GALNTL6: variants seen among roughly 807,000 people sequenced by gnomAD.
GALNTL6 encodes polypeptide N-acetylgalactosaminyltransferase like 6.
GALNTL6 carries 46 observed loss-of-function variants against 73.7 expected under a neutral mutation model. The ratio of observed to expected loss-of-function variants is 0.62; its 90% CI spans 0.49 to 0.80. The LOEUF is 0.80. Ranked by LOEUF, GALNTL6 falls within the 30% of genes least tolerant of loss-of-function variation. The probability of loss-of-function intolerance (pLI) is 0.00; values close to 1 mark genes in which losing one functional copy is unlikely to be tolerated. For synonymous variants in GALNTL6, 259 were observed against 263.7 expected (o/e 0.98, Z 0.17); for missense variants, 604 against 755.0 (o/e 0.80, Z 2.34).
At position 172,607,219 on chromosome 4, in the gene GALNTL6, G is replaced by T. The variant is rs763253756; in HGVS notation, c.554-202142G>T. On this transcript the variant is annotated intron_variant, in intron 5 of 12. Transcript: ENST00000506823. ...ATCCCTCTACTCTCATGAGGGTTTG[G>T]TGTACAGATTATTTTATCACCCAGG... 2.6e-5 allele frequency among the ~76,000 whole-genome samples: 4 copies of T among 152,206 alleles called. No individual in the cohort carries two copies. In the East Asian group the frequency reaches 7.7e-4, roughly 29 times the overall value.
intron 2 of GALNTL6, among the ~76,000 whole-genome samples, chr4:172,107,553 A>G (rs1183792383): frequency 1.3e-5 from 2 of 151,620 alleles, no homozygotes; most frequent in East Asian, 3.9e-4. Flanking sequence ...GGAAGCCATC[A>G]TTCTCAGCAA....
At chr4:171,994,504 T>C (rs1042745677) in intron 2 of GALNTL6, among the ~76,000 whole-genome samples, 2 of 151,982 alleles carry the variant, frequency 1.3e-5, no homozygotes, top group African/African-American at 2.4e-5. Context: ...ATGATGGACT[T>C]GGGGACTTAG....
At chr4:172,282,740 T>G (rs1448005486) in intron 3 of GALNTL6, among the ~76,000 whole-genome samples, 1 of 151,236 alleles carries the variant, frequency 6.6e-6, no homozygotes, top group Non-Finnish European at 1.5e-5. Context: ...ATTAGGGTGA[T>G]GGCGATGGAA....
intron 5 of GALNTL6, among the ~76,000 whole-genome samples, chr4:172,747,614 GA>G (rs372743596): frequency 2.0e-5 from 3 of 151,206 alleles, no homozygotes; most frequent in Non-Finnish European, 3.0e-5. Flanking sequence ...GGAAGTTCCT[GA>G]AAAAAAACTA....
chr4:172,610,362 T>G (rs149786500), intron 5 of GALNTL6, among the ~76,000 whole-genome samples: 1,751 of 152,250 alleles, frequency 0.012, 16 homozygotes, highest in South Asian at 0.021. Flanking sequence ...CTCTTAACAC[T>G]GCTTACCTGT....
chr4:171,864,471 A>G (rs549467392), intron 2 of GALNTL6, among the ~76,000 whole-genome samples: 131 of 152,344 alleles, frequency 8.6e-4, no homozygotes, highest in African/African-American at 3.0e-3. Context: ...GTACATACAG[A>G]TTAAACAAGA....
chr4:172,055,793 A>G (rs1731004334), intron 2 of GALNTL6, among the ~76,000 whole-genome samples: 1 of 152,204 alleles, frequency 6.6e-6, no homozygotes, highest in Non-Finnish European at 1.5e-5. Context: ...GCCAGTTATC[A>G]GGGTACTTCT....
chr4:172,232,145 A>G (rs1737093421), intron 3 of GALNTL6, among the ~76,000 whole-genome samples: 1 of 152,138 alleles, frequency 6.6e-6, no homozygotes, highest in Admixed American at 6.5e-5. Context: ...GTCAAAATCA[A>G]ATAAACATCT....
intron 5 of GALNTL6, among the ~76,000 whole-genome samples, chr4:172,760,127 C>T (rs1056152777): frequency 2.0e-5 from 3 of 151,784 alleles, no homozygotes; most frequent in Non-Finnish European, 4.4e-5. Context: ...TGAGCCACCG[C>T]GCCCGGCCAC....
chr4:172,549,260 C>T (rs900274373), intron 5 of GALNTL6, among the ~76,000 whole-genome samples: 3 of 152,112 alleles, frequency 2.0e-5, no homozygotes, highest in African/African-American at 4.8e-5. Context: ...CAGTAGATTG[C>T]AGGCCTGGAA....
chr4:172,561,739 C>T (rs1395785092), intron 5 of GALNTL6, among the ~76,000 whole-genome samples: 2 of 152,138 alleles, frequency 1.3e-5, no homozygotes, highest in East Asian at 3.9e-4. Flanking sequence ...TCTCAATGTC[C>T]AGGCTTCACA....
chr4:171,938,928 T>C (rs149248100), intron 2 of GALNTL6, among the ~76,000 whole-genome samples: 2,151 of 152,160 alleles, frequency 0.014, 17 homozygotes, highest in Non-Finnish European at 0.022. Context: ...CACATCTTGG[T>C]TTTCATAAGG....
At chr4:172,239,665 AG>A (rs1234597806) in intron 3 of GALNTL6, among the ~76,000 whole-genome samples, 6 of 151,790 alleles carry the variant, frequency 4.0e-5, no homozygotes, top group Non-Finnish European at 2.9e-5. Flanking sequence ...TATTTCCTCA[AG>A]GTGTGATGTT....
intron 10 of GALNTL6, among the ~76,000 whole-genome samples, chr4:172,966,551 C>T (rs890569922): frequency 6.6e-6 from 1 of 152,190 alleles, no homozygotes. Context: ...TGCGCCACCA[C>T]GCCCAGCTAA....
intron 7 of GALNTL6, among the ~76,000 whole-genome samples, chr4:172,826,504 CG>C (rs990244081): frequency 3.9e-5 from 6 of 152,206 alleles, no homozygotes; most frequent in Non-Finnish European, 8.8e-5. Context: ...TTCCAAACCA[CG>C]GGAAAGCAGC....
In GALNTL6 at chr4:172,002,628, C is replaced by T. The variant is rs191107357; in HGVS notation, c.138+187910C>T. On this transcript the variant is annotated intron_variant, in intron 2 of 12. Transcript: ENST00000506823. ...TTTTGTCTTAGAATATTAGTCAAAA[C>T]TCCCATTTTAAGAGAAGCTACACAG... Among the ~76,000 whole-genome samples the T allele has an allele frequency of 1.1e-4, 16 of 152,194 alleles. No individual in the cohort carries two copies. The East Asian group carries it at 2.9e-3, about 28-fold the overall frequency.
At chr4:171,854,722 G>A (rs1735637416) in intron 2 of GALNTL6, among the ~76,000 whole-genome samples, 1 of 152,220 alleles carries the variant, frequency 6.6e-6, no homozygotes, top group Non-Finnish European at 1.5e-5. Context: ...TTCCCAGAAG[G>A]CTATCTTCTC....
At chr4:172,832,928 G>T (rs1026852095) in intron 7 of GALNTL6, among the ~76,000 whole-genome samples, 13 of 152,182 alleles carry the variant, frequency 8.5e-5, no homozygotes, top group African/African-American at 3.1e-4. Flanking sequence ...ATCCCCACCA[G>T]CTCCAGCTAG....
At chr4:172,186,945 T>G (rs1031003633) in intron 2 of GALNTL6, among the ~76,000 whole-genome samples, 1 of 152,028 alleles carries the variant, frequency 6.6e-6, no homozygotes, top group Non-Finnish European at 1.5e-5. Context: ...CAATCAAAAA[T>G]AAATAAAGTT....
Sources: gnomAD v4.1 joint callset for allele counts (sites outside exome capture counted in the v4.1 genomes callset) on GRCh38, gnomAD v4.1.1 for gene constraint, MANE v1.5 for transcripts, NCBI Gene and HGNC (gene_info 2026-07-23, HGNC 2026-07-21) for gene names.